SAMSN1: variants seen among roughly 807,000 people sequenced by gnomAD.
SAMSN1 encodes the protein SAM domain, SH3 domain and nuclear localization signals 1, also known as SAM domain-containing protein SAMSN-1.
SAMSN1 carries 31 observed loss-of-function variants against 42.0 expected under a neutral mutation model. That is an observed-to-expected ratio of 0.74 (90% CI 0.55 to 1.00). The LOEUF (loss-of-function observed/expected upper bound fraction) is 1.00. Ranked by LOEUF, SAMSN1 falls within the 50% of genes least tolerant of loss-of-function variation. The pLI, the probability that SAMSN1 is intolerant of heterozygous loss-of-function variation, is 0.00. For missense variants in SAMSN1, 464 were observed against 439.4 expected, an observed-to-expected ratio of 1.06 and a Z score of -0.50; for synonymous variants, 178 against 151.9, an observed-to-expected ratio of 1.17 and a Z score of -1.26.
At chr21:14,504,646 A>T (rs1987319957) in intron 5 of SAMSN1, among the ~76,000 whole-genome samples, 1 of 152,258 alleles carries the variant, frequency 6.6e-6, no homozygotes, top group Non-Finnish European at 1.5e-5. Flanking sequence ...GTTCCTGAGG[A>T]AGAAGAGAAA....
chr21:14,506,389 A>G (rs113363356), intron 5 of SAMSN1, among the ~76,000 whole-genome samples: 1,615 of 152,290 alleles, frequency 0.011, 34 homozygotes, highest in African/African-American at 0.037. Context: ...AGAAATACAA[A>G]AGATCATTCA....
chr21:14,622,973 C>A (rs1024067613), intron 2 of SAMSN1, among the ~76,000 whole-genome samples: 5 of 152,192 alleles, frequency 3.3e-5, no homozygotes, highest in Admixed American at 1.3e-4. Context: ...ATTCAACATT[C>A]TTAAAGAAAA....
upstream of SAMSN1, among the ~76,000 whole-genome samples, chr21:14,548,478 G>A (rs111993267): frequency 3.3e-5 from 5 of 152,176 alleles, no homozygotes; most frequent in Admixed American, 3.3e-4. Flanking sequence ...TTTTAAAAGC[G>A]TTATACTCAA....
intron 5 of SAMSN1, among the ~76,000 whole-genome samples, chr21:14,608,081 A>G (rs1600960569): frequency 6.6e-6 from 1 of 152,180 alleles, no homozygotes; most frequent in African/African-American, 2.4e-5. Flanking sequence ...CTCAGTAATC[A>G]TCCCTCTCAC....
intron 5 of SAMSN1, chr21:14,602,161 G>A (rs554230202): frequency 6.8e-5 from 32 of 468,154 alleles, no homozygotes; most frequent in Middle Eastern, 5.6e-4. Flanking sequence ...AGGAAGTTTC[G>A]GTGCAATTTA....
chr21:14,558,573 C>T (rs573848966), intron 2 of SAMSN1, among the ~76,000 whole-genome samples: 23 of 151,894 alleles, frequency 1.5e-4, no homozygotes, highest in Non-Finnish European at 2.2e-4. Flanking sequence ...CCCAGCTACT[C>T]GGGAGGCTGA....
chr21:14,658,924 A>G (rs1983957377), upstream of SAMSN1: 19 of 615,012 alleles, frequency 3.1e-5, no homozygotes, highest in South Asian at 3.7e-4. Flanking sequence ...AGAGACCATT[A>G]TCAAATAATA....
rs569223154 is a variant in SAMSN1, at chr21:14,633,941, AT to A, written c.156+9060del. ...AATCTGCTATATTACTTTCTCATTAATATCTAGTAGCTGGGAATAATTTAAT... is the reference window on the plus strand; with the variant it reads ...AATCTGCTATATTACTTTCTCATTAAATCTAGTAGCTGGGAATAATTTAAT... On this transcript the variant is annotated intron_variant, in intron 2 of 15. Coordinates refer to the SAMSN1 transcript ENST00000647101. 6.3e-4 allele frequency among the ~76,000 whole-genome samples: 96 copies of A among 152,140 alleles called. 2 individuals carry two copies. The highest frequency in any genetic ancestry group is 5.8e-3 in the South Asian group (28 of 4,818).
intron 2 of SAMSN1, among the ~76,000 whole-genome samples, chr21:14,629,703 G>A (rs754000801): frequency 6.6e-6 from 1 of 152,108 alleles, no homozygotes; most frequent in Non-Finnish European, 1.5e-5. Context: ...TCAGGAAGAG[G>A]GCTGGTAAAT....
chr21:14,657,534 C>T (rs2123404664), intron 1 of SAMSN1, among the ~76,000 whole-genome samples: 1 of 151,934 alleles, frequency 6.6e-6, no homozygotes, highest in Non-Finnish European at 1.5e-5. Flanking sequence ...GAAACATTAG[C>T]ATACTGATTA....
upstream of SAMSN1, chr21:14,546,393 A>T (rs12329657): frequency 7.6e-6 from 11 of 1,445,624 alleles, no homozygotes; most frequent in Middle Eastern, 9.9e-4. Context: ...TTCCTCCTTC[A>T]GTCAGGATAT....
At position 14,499,223 on chromosome 21, in the gene SAMSN1, G is replaced by A. The variant is rs193031814; in HGVS notation, c.769-631C>T. On this transcript the variant is annotated intron_variant, in intron 6 of 7. Coordinates refer to ENST00000400566, the MANE Select transcript of SAMSN1 (RefSeq NM_022136.5). Reference sequence around the variant, plus strand: ...GGGGAAAGAATTGTTTTCTCAGCATGTATATTTTGTCCGTCATTTGAATCA... The same window carrying A: ...GGGGAAAGAATTGTTTTCTCAGCATATATATTTTGTCCGTCATTTGAATCA... Among the ~76,000 whole-genome samples, 3 of 152,222 alleles carry A rather than the reference G, an allele frequency of 2.0e-5. No individual in the cohort carries two copies. The East Asian group carries it at 5.8e-4, about 29-fold the overall frequency.
chr21:14,487,095 C>T (rs982914538), intron 7 of SAMSN1, among the ~76,000 whole-genome samples: 3 of 152,048 alleles, frequency 2.0e-5, no homozygotes, highest in Non-Finnish European at 4.4e-5. Flanking sequence ...TCCTCTTTCC[C>T]CTTCTAACCT....
At chr21:14,622,244 C>T (rs767041718) in intron 2 of SAMSN1, among the ~76,000 whole-genome samples, 18 of 152,210 alleles carry the variant, frequency 1.2e-4, no homozygotes, top group African/African-American at 3.4e-4. Flanking sequence ...TGCAGCTCCT[C>T]GCCAGCAATG....
chr21:14,509,440 T>C (rs1442291077), intron 5 of SAMSN1, among the ~76,000 whole-genome samples: 1 of 152,104 alleles, frequency 6.6e-6, no homozygotes, highest in African/African-American at 2.4e-5. Flanking sequence ...TTACTACAAA[T>C]AGAGTGCAGT....
At chr21:14,643,161 G>A (rs774627011) in intron 1 of SAMSN1, 1 of 712,608 alleles carries the variant, frequency 1.4e-6, no homozygotes. Flanking sequence ...ATGAGTCAAG[G>A]AATAACAGAA....
chr21:14,559,324 A>C, intron 2 of SAMSN1, among the ~76,000 whole-genome samples: 1 of 152,118 alleles, frequency 6.6e-6, no homozygotes, highest in Non-Finnish European at 1.5e-5. Flanking sequence ...AGCAGAATCC[A>C]CTCAGTAGTA....
chr21:14,582,223 T>C, exon 2 of SAMSN1: 1 of 1,550,878 alleles, frequency 6.4e-7, no homozygotes, highest in Non-Finnish European at 8.7e-7. Context: ...AGGGTCCAAC[T>C]TGTGCTATTT....
intron 7 of SAMSN1, chr21:14,593,925 A>G (rs1038353157): frequency 1.4e-6 from 1 of 692,666 alleles, no homozygotes; most frequent in African/African-American, 1.8e-5. Context: ...ATAAAGAACT[A>G]TAGAAAACAG....
Sources: gnomAD v4.1 joint callset for allele counts (sites outside exome capture counted in the v4.1 genomes callset) on GRCh38, gnomAD v4.1.1 for gene constraint, MANE v1.5 for transcripts, NCBI Gene and HGNC (gene_info 2026-07-23, HGNC 2026-07-21) for gene names.